NPY2R: variants seen among roughly 807,000 people sequenced by gnomAD.
NPY2R encodes neuropeptide Y receptor Y2.
A neutral mutation model predicts 22.3 loss-of-function variants in NPY2R; 17 were observed. That is an observed-to-expected ratio of 0.76 (90% CI 0.52 to 1.14). The LOEUF (loss-of-function observed/expected upper bound fraction) is 1.14, where lower values mean the gene tolerates loss of function less well. NPY2R is among the 50% of genes most tolerant of loss of function. The probability of loss-of-function intolerance (pLI) is 0.00; values close to 1 mark genes in which losing one functional copy is unlikely to be tolerated. For synonymous variants in NPY2R, 209 were observed against 183.4 expected (o/e 1.14, Z -1.13); for missense variants, 424 against 467.9 (o/e 0.91, Z 0.87).
chr4:155,213,304 C>A (rs1729442833), intron 1 of NPY2R, among the ~76,000 whole-genome samples: 1 of 152,128 alleles, frequency 6.6e-6, no homozygotes, highest in African/African-American at 2.4e-5. Flanking sequence ...AAAAGTAACT[C>A]TTCTATATAT....
intron 1 of NPY2R, among the ~76,000 whole-genome samples, chr4:155,209,853 C>A (rs1399454040): frequency 6.6e-6 from 1 of 152,000 alleles, no homozygotes; most frequent in Non-Finnish European, 1.5e-5. Context: ...AATATTGTTG[C>A]AAAAAGCCCC....
the NPY2R span, among the ~76,000 whole-genome samples, chr4:155,183,522 T>C: frequency 6.6e-6 from 1 of 152,200 alleles, no homozygotes; most frequent in African/African-American, 2.4e-5. Context: ...TGTTTGTTTG[T>C]TTGTTTTTCT....
At chr4:155,202,845 T>C in the NPY2R span, among the ~76,000 whole-genome samples, 1 of 152,134 alleles carries the variant, frequency 6.6e-6, no homozygotes, top group Non-Finnish European at 1.5e-5. Context: ...TAAACACTTA[T>C]TAAATAAAAT....
upstream of NPY2R, among the ~76,000 whole-genome samples, chr4:155,206,237 C>A (rs1419255354): frequency 6.6e-6 from 1 of 152,196 alleles, no homozygotes; most frequent in Non-Finnish European, 1.5e-5. Context: ...TCCTGAGCAA[C>A]TAAATGATTT....
At chr4:155,200,933 A>T in the NPY2R span, among the ~76,000 whole-genome samples, 1 of 152,122 alleles carries the variant, frequency 6.6e-6, no homozygotes, top group South Asian at 2.1e-4. Context: ...TGACGGGTTG[A>T]TAGGTGCAGC....
the NPY2R span, among the ~76,000 whole-genome samples, chr4:155,198,111 G>A: frequency 6.6e-6 from 1 of 151,918 alleles, no homozygotes; most frequent in African/African-American, 2.4e-5. Flanking sequence ...TGTACTTTGT[G>A]CAGTGCCTAA....
chr4:155,213,893 T>C lies in NPY2R; in HGVS notation c.-47T>C. The C allele has an allele frequency of 6.8e-7, 1 of 1,463,840 alleles. No individual in the cohort carries two copies. Among genetic ancestry groups the C allele is most frequent in the Non-Finnish European group, 9.6e-7 (1 of 1,043,678 alleles). The allele number at this position is 1,463,840 out of a possible 1,614,324, so 90.7% of individuals were successfully genotyped here. The stretch of plus-strand genomic sequence containing the variant: ...TTTTATTTTGTTTTTTCTTTTTAGG[T>C]TGTAGACTCTTGTGCTGGTTGCAGG... On this transcript the variant is annotated splice_region_variant and 5_prime_UTR_variant, in exon 2 of 2. Coordinates refer to ENST00000329476, the MANE Select transcript of NPY2R (RefSeq NM_000910.4).
At chr4:155,186,419 G>A in the NPY2R span, among the ~76,000 whole-genome samples, 17 of 152,158 alleles carry the variant, frequency 1.1e-4, no homozygotes, top group Non-Finnish European at 2.2e-4. Flanking sequence ...TCAAGAAAAA[G>A]CCATATAGCT....
rs1213765503 is a variant in NPY2R, at chr4:155,208,906, C to G, written c.-212C>G. The stretch of plus-strand genomic sequence containing the variant: ...CAGCCGCTCTGACTGCTCCGGCTGC[C>G]CGCCCGCGCGGCGCGGGCTGTCCTG... On this transcript the variant is annotated 5_prime_UTR_variant, in exon 1 of 2. Transcript: ENST00000329476. The surrounding 1 kb of genome is among the most constrained non-coding windows in gnomAD (Gnocchi z 5.6). 2 of 152,152 alleles carry G rather than the reference C, an allele frequency of 1.3e-5. No individual in the cohort carries two copies. The highest frequency in any genetic ancestry group is 4.8e-5 in the African/African-American group (2 of 41,446). The allele number at this position is 152,152 out of a possible 1,614,324, so 9.4% of individuals were successfully genotyped here.
the NPY2R span, among the ~76,000 whole-genome samples, chr4:155,183,442 C>T: frequency 6.6e-6 from 1 of 152,098 alleles, no homozygotes; most frequent in Non-Finnish European, 1.5e-5. Flanking sequence ...AAGGAAGACT[C>T]CAAGAGACAG....
upstream of NPY2R, among the ~76,000 whole-genome samples, chr4:155,205,823 A>G (rs954273466): frequency 3.3e-5 from 5 of 151,752 alleles, no homozygotes; most frequent in African/African-American, 1.2e-4. Flanking sequence ...CTATCTATCT[A>G]TCTATCTATC....
chr4:155,185,725 G>C, the NPY2R span, among the ~76,000 whole-genome samples: 19 of 150,790 alleles, frequency 1.3e-4, no homozygotes, highest in Admixed American at 7.9e-4. Flanking sequence ...AATCAAACAA[G>C]TTGTTGAAAG....
At position 155,215,165 on chromosome 4, in the gene NPY2R, C is replaced by T. The variant is rs1729490530; in HGVS notation, c.*80C>T. 2 of 1,291,800 alleles carry T rather than the reference C, an allele frequency of 1.5e-6. No individual in the cohort carries two copies. The highest frequency in any genetic ancestry group is 2.2e-6 in the Non-Finnish European group (2 of 894,524). The allele number at this position is 1,291,800 out of a possible 1,614,324, so 80.0% of individuals were successfully genotyped here. A position where few individuals can be genotyped will look rare whatever the true frequency, so the allele number is the denominator to read the frequency against. On this transcript the variant is annotated 3_prime_UTR_variant, in exon 2 of 2. Transcript: ENST00000329476. Reference sequence around the variant, plus strand: ...GTTGATGGCGGCTCACAAGTGAAAACTGATTTCCCATTTTAAAGAAGAAGT... The same window carrying T: ...GTTGATGGCGGCTCACAAGTGAAAATTGATTTCCCATTTTAAAGAAGAAGT...
the NPY2R span, among the ~76,000 whole-genome samples, chr4:155,200,134 G>A: frequency 6.6e-6 from 1 of 152,130 alleles, no homozygotes; most frequent in South Asian, 2.1e-4. Flanking sequence ...AATCTACGAA[G>A]AACTTAACCA....
Position 155,214,112 on chromosome 4 carries a change from G to A in NPY2R, c.173G>A (p.Cys58Tyr). ...EVQVVLILAYCSIILLGVIGN... is the reference protein window; with the variant it reads ...EVQVVLILAYYSIILLGVIGN... The stretch of plus-strand genomic sequence containing the variant: ...CAAGTTGTTCTCATATTGGCCTACT[G>A]CTCCATCATCTTGCTTGGGGTAATT... Residue 58 changes from cysteine (C) to tyrosine (Y), a missense_variant, in exon 2 of 2, where the codon TGC becomes TAC. Transcript: ENST00000329476. 1.9e-6 allele frequency: 3 copies of A among 1,613,908 alleles called. No homozygotes were observed. The highest frequency in any genetic ancestry group is 1.7e-6 in the Non-Finnish European group (2 of 1,179,766).
chr4:155,187,848 G>A, the NPY2R span, among the ~76,000 whole-genome samples: 27 of 152,076 alleles, frequency 1.8e-4, no homozygotes, highest in East Asian at 2.5e-3. Flanking sequence ...GTTTAATGTC[G>A]TACAGAAAAA....
At chr4:155,178,993 A>G in the NPY2R span, among the ~76,000 whole-genome samples, 3 of 152,124 alleles carry the variant, frequency 2.0e-5, no homozygotes, top group East Asian at 5.8e-4. Flanking sequence ...CTATTGCTTT[A>G]TCTTTAAACT....
the NPY2R span, among the ~76,000 whole-genome samples, chr4:155,176,646 G>A: frequency 1.8e-4 from 28 of 152,206 alleles, no homozygotes; most frequent in Admixed American, 7.2e-4. Flanking sequence ...TACTCAGTGA[G>A]GGTAGTCTCT....
At chr4:155,191,074 A>G in the NPY2R span, among the ~76,000 whole-genome samples, 2 of 151,502 alleles carry the variant, frequency 1.3e-5, no homozygotes, top group Admixed American at 6.7e-5. Context: ...CTAGATGACT[A>G]CATGTTCAAT....
Sources: allele counts gnomAD v4.1 joint callset (sites outside exome capture counted in the v4.1 genomes callset), GRCh38; gene constraint gnomAD v4.1.1; non-coding constraint Gnocchi (gnomAD v3.1); transcripts MANE v1.5; gene names NCBI Gene and HGNC (gene_info 2026-07-23, HGNC 2026-07-21).